The following KIF26B variants were observed in gnomAD, a reference collection of about 807,000 sequenced individuals.
The protein encoded by KIF26B is kinesin-like protein KIF26B.
KIF26B carries 63 observed loss-of-function variants against 151.2 expected under a neutral mutation model. That is an observed-to-expected ratio of 0.42 (90% CI 0.34 to 0.51). The LOEUF is 0.51. KIF26B is among the 20% of genes least tolerant of loss of function. KIF26B has a pLI of 0.07. For synonymous variants in KIF26B, 1,357 were observed against 1,262.1 expected, an observed-to-expected ratio of 1.08 and a Z score of -1.59; for missense variants, 2,813 against 2,913.6, an observed-to-expected ratio of 0.97 and a Z score of 0.79.
chr1:245,474,238 G>A (rs10924205), intron 4 of KIF26B, among the ~76,000 whole-genome samples: 137,453 of 148,968 alleles, frequency 0.92, 62,974 homozygotes, highest in East Asian at 0.94. Flanking sequence ...CCTCCCGAGT[G>A]GCTGGGACTA....
At chr1:245,266,688 G>A (rs1670752242) in intron 2 of KIF26B, among the ~76,000 whole-genome samples, 1 of 152,046 alleles carries the variant, frequency 6.6e-6, no homozygotes, top group Non-Finnish European at 1.5e-5. Flanking sequence ...TGTATTTTTA[G>A]TAGGGACGGG....
At chr1:245,174,890 C>T (rs1471027624) in intron 2 of KIF26B, among the ~76,000 whole-genome samples, 1 of 152,162 alleles carries the variant, frequency 6.6e-6, no homozygotes, top group Non-Finnish European at 1.5e-5. Context: ...GTGTCTCATG[C>T]TTCCTCGGTT....
At chr1:245,328,584 C>A (rs1179296847) in intron 2 of KIF26B, among the ~76,000 whole-genome samples, 1 of 152,112 alleles carries the variant, frequency 6.6e-6, no homozygotes, top group Non-Finnish European at 1.5e-5. Context: ...GGCCAGTGCA[C>A]CATGACCACC....
intron 2 of KIF26B, among the ~76,000 whole-genome samples, chr1:245,157,302 G>T (rs1041342667): frequency 4.6e-5 from 7 of 152,198 alleles, no homozygotes; most frequent in Admixed American, 4.6e-4. Flanking sequence ...TGCCCGCAGT[G>T]TGTGACTGGC....
chr1:245,436,521 C>T (rs919538262), intron 4 of KIF26B, among the ~76,000 whole-genome samples: 1 of 152,198 alleles, frequency 6.6e-6, no homozygotes, highest in South Asian at 2.1e-4. Flanking sequence ...AGTCCAAAAT[C>T]GGCATGGCTG....
intron 4 of KIF26B, among the ~76,000 whole-genome samples, chr1:245,519,571 G>T (rs1040472050): frequency 6.6e-5 from 10 of 151,338 alleles, no homozygotes; most frequent in African/African-American, 2.4e-4. Flanking sequence ...AAAAAGAAAA[G>T]AAAAAATTAA....
chr1:245,686,738 G>A lies in KIF26B; in HGVS notation c.3755G>A (p.Ser1252Asn). 1 of 1,613,620 alleles carries A rather than the reference G, an allele frequency of 6.2e-7. No individual in the cohort carries two copies. Among genetic ancestry groups the A allele is most frequent in the South Asian group, 1.1e-5 (1 of 91,032 alleles). ...YSSTAPVSEV[S>N]ITQFLPLPKM... The stretch of plus-strand genomic sequence containing the variant: ...AGCACGGCCCCCGTCTCCGAGGTCA[G>A]CATCACACAGTTCTTGCCCCTCCCG... Residue 1252 changes from serine to asparagine, a missense_variant, in exon 12 of 15, where the codon AGC (serine) becomes AAC (asparagine). Transcript: ENST00000407071. The surrounding 1 kb of genome is among the most constrained non-coding windows in gnomAD (Gnocchi z 5.6).
chr1:245,638,303 ATGTTAC>A, intron 9 of KIF26B, among the ~76,000 whole-genome samples: 1 of 151,988 alleles, frequency 6.6e-6, no homozygotes, highest in East Asian at 1.9e-4. Context: ...GCATATAGAA[ATGTTAC>A]ACATTTTGCG....
rs900944463 is a variant in KIF26B, at chr1:245,433,196, C to T, written c.1166+13451C>T. On this transcript the variant is annotated intron_variant, in intron 4 of 14. Transcript: ENST00000407071. ...AAAGCAGCTATGGAGCCGTGTGCGG[C>T]GGCTCCCGCCTGTAATCCCAGCACT... Among the ~76,000 whole-genome samples, 5 of 151,800 alleles carry T rather than the reference C, an allele frequency of 3.3e-5. No individual in the cohort carries two copies. The East Asian group carries it at 9.7e-4, about 29-fold the overall frequency.
At chr1:245,256,355 A>T (rs937184268) in intron 2 of KIF26B, among the ~76,000 whole-genome samples, 1 of 152,198 alleles carries the variant, frequency 6.6e-6, no homozygotes, top group Non-Finnish European at 1.5e-5. Flanking sequence ...GTCTCAGGAC[A>T]CCTGGAAGCA....
At chr1:245,522,889 C>T (rs1661159768) in intron 4 of KIF26B, among the ~76,000 whole-genome samples, 1 of 152,114 alleles carries the variant, frequency 6.6e-6, no homozygotes, top group African/African-American at 2.4e-5. Context: ...TTCTAAGAAG[C>T]TGCTAAGAAA....
At chr1:245,264,833 CAG>C (rs777368154) in intron 2 of KIF26B, among the ~76,000 whole-genome samples, 79 of 151,170 alleles carry the variant, frequency 5.2e-4, no homozygotes, top group Non-Finnish European at 1.0e-3. Context: ...GCAGAGTTTG[CAG>C]AGAGCCGAGA....
chr1:245,197,859 T>A (rs551502508), intron 2 of KIF26B, among the ~76,000 whole-genome samples: 1 of 152,272 alleles, frequency 6.6e-6, no homozygotes, highest in South Asian at 2.1e-4. Flanking sequence ...TAATGTGTGA[T>A]TTTTCTGGTG....
At chr1:245,562,022 T>C (rs536778320) in intron 5 of KIF26B, among the ~76,000 whole-genome samples, 1 of 152,270 alleles carries the variant, frequency 6.6e-6, no homozygotes, top group South Asian at 2.1e-4. Context: ...GGATTGCAGC[T>C]GTTTCATACC....
intron 4 of KIF26B, among the ~76,000 whole-genome samples, chr1:245,447,754 G>A (rs992806041): frequency 5.9e-5 from 9 of 152,096 alleles, no homozygotes; most frequent in African/African-American, 2.2e-4. Flanking sequence ...GTGACCCCAC[G>A]ACCCAGAAGT....
Position 245,685,809 on chromosome 1 carries a change from C to G in KIF26B, c.2826C>G (p.Pro942=). The G allele has an allele frequency of 2.5e-6, 4 of 1,610,258 alleles. No homozygotes were observed. The highest frequency in any genetic ancestry group is 3.4e-6 in the Non-Finnish European group (4 of 1,177,920). The change falls in exon 12 of 15, where the codon CCC becomes CCG. Residue 942 remains proline (P), a synonymous_variant. Coordinates refer to ENST00000407071, the MANE Select transcript of KIF26B (RefSeq NM_018012.4). ...RLDCIDGSEE[P]SSFPFEELPA... is the part of the protein sequence containing the mutation. ...ACTGCATCGACGGCAGCGAGGAGCC[C>G]AGCAGCTTTCCTTTCGAAGAACTGC... is the stretch of plus-strand genomic sequence containing the variant.
chr1:245,333,871 G>A (rs982373642), intron 2 of KIF26B, among the ~76,000 whole-genome samples: 1 of 152,072 alleles, frequency 6.6e-6, no homozygotes, highest in South Asian at 2.1e-4. Context: ...GGTGGTGGGC[G>A]CCTGTAATGC....
intron 12 of KIF26B, among the ~76,000 whole-genome samples, chr1:245,692,535 G>A (rs1424105887): frequency 1.3e-5 from 2 of 152,058 alleles, no homozygotes; most frequent in Non-Finnish European, 2.9e-5. Context: ...CAAGAGCCTG[G>A]CCTGTGGGCG....
chr1:245,593,504 T>C (rs554532142), intron 5 of KIF26B, among the ~76,000 whole-genome samples: 1,762 of 152,326 alleles, frequency 0.012, 36 homozygotes, highest in African/African-American at 0.041. Flanking sequence ...CATGAACTCA[T>C]CCTTTTTTAT....
Sources: allele counts gnomAD v4.1 joint callset (sites outside exome capture counted in the v4.1 genomes callset), GRCh38; gene constraint gnomAD v4.1.1; non-coding constraint Gnocchi (gnomAD v3.1); transcripts MANE v1.5; gene names NCBI Gene and HGNC (gene_info 2026-07-23, HGNC 2026-07-21).